Variants in SLC36A1 observed in about 807,000 individuals in gnomAD.
The protein encoded by SLC36A1 is solute carrier family 36 member 1, also known as proton-coupled amino acid transporter 1.
SLC36A1 carries 30 observed loss-of-function variants against 47.5 expected under a neutral mutation model. The observed-to-expected ratio is 0.63, with a 90% CI of 0.47 to 0.86. SLC36A1 has a LOEUF of 0.86. Ranked by LOEUF, SLC36A1 falls within the 40% of genes least tolerant of loss-of-function variation. The pLI, the probability that SLC36A1 is intolerant of heterozygous loss-of-function variation, is 0.00. For synonymous variants in SLC36A1, 255 were observed against 249.7 expected (o/e 1.02, Z -0.20); for missense variants, 517 against 606.0 (o/e 0.85, Z 1.54).
chr5:151,503,338 G>A, the SLC36A1 span, among the ~76,000 whole-genome samples: 2 of 147,982 alleles, frequency 1.4e-5, no homozygotes, highest in African/African-American at 2.7e-5. Flanking sequence ...GCATATCGCT[G>A]TACCTTCCAT....
chr5:151,528,035 C>A, the SLC36A1 span: 19 of 1,614,230 alleles, frequency 1.2e-5, no homozygotes, highest in South Asian at 2.0e-4. Flanking sequence ...GTAGCTCCCC[C>A]TTTTTGGGGT....
At chr5:151,458,749 C>A in intron 1 of SLC36A1, 39 bp from the exon 2 acceptor site, 1 of 1,598,608 alleles carries the variant, frequency 6.3e-7, no homozygotes, top group Admixed American at 1.7e-5. Flanking sequence ...CTAAAGGCTC[C>A]AGCTGCAGGA....
At chr5:151,551,976 G>GGTGTGTGTGTGTGT in the SLC36A1 span, among the ~76,000 whole-genome samples, 18 of 143,648 alleles carry the variant, frequency 1.3e-4, no homozygotes, top group African/African-American at 4.1e-4. Flanking sequence ...TAACCCTAAG[G>GGTGTGTGTGTGTGT]GTGTGTGTGT....
chr5:151,549,626 A>G, the SLC36A1 span: 16 of 719,164 alleles, frequency 2.2e-5, no homozygotes, highest in Admixed American at 7.6e-5. Flanking sequence ...CTAACTCCCC[A>G]TATTCTTTTA....
At chr5:151,555,832 A>G in the SLC36A1 span, among the ~76,000 whole-genome samples, 1 of 152,142 alleles carries the variant, frequency 6.6e-6, no homozygotes, top group East Asian at 1.9e-4. Flanking sequence ...AAATAGTTAG[A>G]TTTCCACCTG....
At chr5:151,458,961 C>G in intron 2 of SLC36A1, 26 bp downstream of exon 2, 1 of 1,587,004 alleles carries the variant, frequency 6.3e-7, no homozygotes, top group Non-Finnish European at 8.6e-7. Flanking sequence ...CTTCTCCTCT[C>G]CTGGGTGGGA....
the SLC36A1 span, chr5:151,546,105 A>G: frequency 8.7e-6 from 14 of 1,614,196 alleles, no homozygotes; most frequent in African/African-American, 1.9e-4. Flanking sequence ...GGGAACCAAC[A>G]GGGATTGATT....
the SLC36A1 span, chr5:151,537,813 A>G: frequency 2.5e-6 from 4 of 1,611,736 alleles, no homozygotes; most frequent in Admixed American, 5.0e-5. Context: ...ATCCAGCTTG[A>G]ATTCATGCGC....
the SLC36A1 span, among the ~76,000 whole-genome samples, chr5:151,384,113 A>G: frequency 6.6e-6 from 1 of 152,094 alleles, no homozygotes; most frequent in African/African-American, 2.4e-5. Context: ...AAATGTTTGT[A>G]TCTTCCAAAA....
chr5:151,550,975 G>T, the SLC36A1 span: 2 of 953,528 alleles, frequency 2.1e-6, no homozygotes, highest in East Asian at 4.9e-5. Context: ...ACAGTGCCTG[G>T]CACTCAGCAA....
the SLC36A1 span, among the ~76,000 whole-genome samples, chr5:151,500,000 T>A: frequency 6.6e-6 from 1 of 152,014 alleles, no homozygotes; most frequent in Non-Finnish European, 1.5e-5. Flanking sequence ...GATGTAGGGC[T>A]TCGGGAGAGG....
At chr5:151,450,429 G>A (rs1753474166) in intron 1 of SLC36A1, among the ~76,000 whole-genome samples, 1 of 151,900 alleles carries the variant, frequency 6.6e-6, no homozygotes, top group Admixed American at 6.6e-5. Context: ...GGATGGAGCA[G>A]ATGTCCACTT....
chr5:151,345,538 A>G, the SLC36A1 span, among the ~76,000 whole-genome samples: 1 of 152,174 alleles, frequency 6.6e-6, no homozygotes, highest in Middle Eastern at 3.2e-3. Context: ...CAAGGGTTAA[A>G]GAGAACAATC....
At chr5:151,425,102 G>C in the SLC36A1 span, among the ~76,000 whole-genome samples, 1 of 152,226 alleles carries the variant, frequency 6.6e-6, no homozygotes, top group African/African-American at 2.4e-5. Context: ...CTGATCCCAA[G>C]TTGTGCAGCA....
In SLC36A1 at chr5:151,463,600, G is replaced by T; in HGVS notation, c.191G>T (p.Gly64Val). 1 of 1,614,188 alleles carries T rather than the reference G, an allele frequency of 6.2e-7. No homozygotes were observed. Among genetic ancestry groups the T allele is most frequent in the East Asian group, 2.2e-5 (1 of 44,888 alleles). Residue 64 changes from glycine to valine, a missense_variant, in exon 3 of 11, where the codon GGA (glycine) becomes GTA (valine). Gly to Val is a moderately radical substitution (Grantham distance 109). Coordinates refer to ENST00000243389, the MANE Select transcript of SLC36A1 (RefSeq NM_078483.4). Reference sequence around the variant, plus strand: ...CTGTTAAAAGGCAACATTGGCACAGGACTCCTGGGACTCCCTCTGGCGGTG... The same window carrying T: ...CTGTTAAAAGGCAACATTGGCACAGTACTCCTGGGACTCCCTCTGGCGGTG... ...IHLLKGNIGT[G>V]LLGLPLAVKN...
chr5:151,439,673 A>G lies in SLC36A1; in HGVS notation c.-6+2494A>G, dbSNP rs551026985. Among the ~76,000 whole-genome samples the G allele has an allele frequency of 2.0e-5, 3 of 147,932 alleles. No individual in the cohort carries two copies. In the South Asian group the frequency reaches 6.3e-4, roughly 31 times the overall value. On this transcript the variant is annotated intron_variant, in intron 1 of 8. Coordinates refer to the SLC36A1 transcript ENST00000429484. The stretch of plus-strand genomic sequence containing the variant: ...ATCTCAAAAAAAAAAGAAAAGAAAA[A>G]AAAAAAAGAAAAAGAAATGTTTAAA...
the SLC36A1 span, chr5:151,381,203 C>A: frequency 2.6e-6 from 1 of 380,824 alleles, no homozygotes; most frequent in Non-Finnish European, 5.2e-6. Flanking sequence ...AGCCCATGGA[C>A]TATATGCCTC....
the SLC36A1 span, among the ~76,000 whole-genome samples, chr5:151,500,130 C>T: frequency 1.3e-5 from 2 of 152,108 alleles, no homozygotes; most frequent in East Asian, 1.9e-4. Flanking sequence ...CAGCCTGTTC[C>T]GTTGCACTTG....
chr5:151,457,539 A>G (rs1201991431), intron 1 of SLC36A1, among the ~76,000 whole-genome samples: 2 of 152,174 alleles, frequency 1.3e-5, no homozygotes, highest in Non-Finnish European at 2.9e-5. Context: ...GAGCACATCT[A>G]TAAAAATAAA....
Sources: gnomAD v4.1 joint callset for allele counts (sites outside exome capture counted in the v4.1 genomes callset) on GRCh38, gnomAD v4.1.1 for gene constraint, MANE v1.5 for transcripts, NCBI Gene and HGNC (gene_info 2026-07-23, HGNC 2026-07-21) for gene names.